Variants in KCNB2 observed in about 807,000 individuals in gnomAD.
KCNB2 encodes potassium voltage-gated channel subfamily B member 2.
Under a neutral mutation model 61.5 loss-of-function variants are expected in KCNB2, and 15 were observed. The ratio of observed to expected loss-of-function variants is 0.24; its 90% confidence interval spans 0.16 to 0.38. The LOEUF (loss-of-function observed/expected upper bound fraction) is 0.38, where lower values mean the gene tolerates loss of function less well. Ranked by LOEUF, KCNB2 falls within the 10% of genes least tolerant of loss-of-function variation. KCNB2 has a pLI of 1.00. For synonymous variants in KCNB2, 457 were observed against 446.0 expected, an observed-to-expected ratio of 1.02 and a Z score of -0.31; for missense variants, 828 against 1,125.2, an observed-to-expected ratio of 0.74 and a Z score of 3.78.
chr8:72,589,220 A>G (rs182445821), intron 2 of KCNB2, among the ~76,000 whole-genome samples: 23 of 152,352 alleles, frequency 1.5e-4, no homozygotes, highest in African/African-American at 5.5e-4. Context: ...TCTGCAGATC[A>G]TATAGAATGA....
At chr8:72,652,477 A>T (rs13281404) in intron 2 of KCNB2, among the ~76,000 whole-genome samples, 3,778 of 152,148 alleles carry the variant, frequency 0.025, 59 homozygotes, top group Non-Finnish European at 0.041. Context: ...TGAAAATTAT[A>T]TATCAAATTT....
intron 2 of KCNB2, among the ~76,000 whole-genome samples, chr8:72,771,181 A>G (rs923598747): frequency 6.6e-6 from 1 of 152,202 alleles, no homozygotes; most frequent in African/African-American, 2.4e-5. Context: ...CATTAACCAA[A>G]AAGTTGTGAT....
intron 2 of KCNB2, among the ~76,000 whole-genome samples, chr8:72,706,232 G>A (rs903753716): frequency 6.6e-6 from 1 of 152,184 alleles, no homozygotes; most frequent in African/African-American, 2.4e-5. Flanking sequence ...ACTAAACTCA[G>A]CCAAAGTCCA....
At chr8:72,604,812 GAGTAGA>G (rs1468618278) in intron 2 of KCNB2, among the ~76,000 whole-genome samples, 1 of 152,198 alleles carries the variant, frequency 6.6e-6, no homozygotes, top group Non-Finnish European at 1.5e-5. Flanking sequence ...TTAGAATGCT[GAGTAGA>G]AGCACATGAT....
At chr8:72,644,176 C>T (rs1806095301) in intron 2 of KCNB2, among the ~76,000 whole-genome samples, 1 of 152,056 alleles carries the variant, frequency 6.6e-6, no homozygotes, top group South Asian at 2.1e-4. Flanking sequence ...CAATAATTCA[C>T]ACCAAAAACT....
intron 2 of KCNB2, among the ~76,000 whole-genome samples, chr8:72,691,842 A>G (rs1051597876): frequency 6.6e-6 from 1 of 152,176 alleles, no homozygotes; most frequent in Non-Finnish European, 1.5e-5. Flanking sequence ...TGCAACTTGA[A>G]GTTCGTTGTT....
At chr8:72,763,325 C>CT (rs5892367) in intron 2 of KCNB2, among the ~76,000 whole-genome samples, 103,863 of 149,780 alleles carry the variant, frequency 0.69, 36,867 homozygotes, top group African/African-American at 0.86. Context: ...CCTGAGTCTC[C>CT]TTTTTTTTTA....
chr8:72,736,647 A>C (rs377594292), intron 2 of KCNB2, among the ~76,000 whole-genome samples: 2 of 152,110 alleles, frequency 1.3e-5, no homozygotes, highest in East Asian at 3.9e-4. Flanking sequence ...CTCTTTCAGC[A>C]CCCCCGCTTC....
At chr8:72,790,789 A>G (rs760871490) in intron 2 of KCNB2, among the ~76,000 whole-genome samples, 12 of 152,220 alleles carry the variant, frequency 7.9e-5, no homozygotes, top group Non-Finnish European at 1.2e-4. Context: ...TGTAATTTGT[A>G]TAGAAGATTT....
intron 2 of KCNB2, among the ~76,000 whole-genome samples, chr8:72,673,053 C>G (rs1372467372): frequency 6.6e-6 from 1 of 152,108 alleles, no homozygotes; most frequent in Non-Finnish European, 1.5e-5. Context: ...GGTATATACC[C>G]AAAAGAATTG....
intron 2 of KCNB2, among the ~76,000 whole-genome samples, chr8:72,907,301 G>A (rs1348734217): frequency 6.6e-6 from 1 of 152,116 alleles, no homozygotes; most frequent in Non-Finnish European, 1.5e-5. Context: ...ATGTTGCAGT[G>A]AGCCAAGATC....
At chr8:72,777,974 T>C (rs1808683931) in intron 2 of KCNB2, among the ~76,000 whole-genome samples, 1 of 152,246 alleles carries the variant, frequency 6.6e-6, no homozygotes, top group African/African-American at 2.4e-5. Flanking sequence ...GACAGCCTGT[T>C]TAGCTTTCTT....
intron 2 of KCNB2, among the ~76,000 whole-genome samples, chr8:72,745,756 A>C (rs902032517): frequency 3.9e-5 from 6 of 152,124 alleles, no homozygotes; most frequent in Non-Finnish European, 7.4e-5. Context: ...CCCTCCCCAG[A>C]GATGGAGTTG....
chr8:72,720,977 A>G (rs1285625686), intron 2 of KCNB2, among the ~76,000 whole-genome samples: 2 of 152,074 alleles, frequency 1.3e-5, no homozygotes, highest in Non-Finnish European at 2.9e-5. Flanking sequence ...TGTAGATACA[A>G]TAAAACTAGC....
At chr8:72,756,725 G>A (rs577872575) in intron 2 of KCNB2, among the ~76,000 whole-genome samples, 4 of 152,262 alleles carry the variant, frequency 2.6e-5, no homozygotes, top group African/African-American at 9.6e-5. Flanking sequence ...CCTGCAGTAG[G>A]TCAGGTAAGA....
intron 2 of KCNB2, among the ~76,000 whole-genome samples, chr8:72,664,652 T>C (rs1028929281): frequency 1.3e-5 from 2 of 152,236 alleles, no homozygotes; most frequent in Non-Finnish European, 2.9e-5. Context: ...CAAATCTTTA[T>C]TAAGTACTTG....
At chr8:72,565,569 G>T (rs1221314135) in intron 1 of KCNB2, among the ~76,000 whole-genome samples, 1 of 151,904 alleles carries the variant, frequency 6.6e-6, no homozygotes, top group African/African-American at 2.4e-5. Flanking sequence ...CAGAATAACA[G>T]ATCAATAAGA....
At chr8:72,865,340 A>G (rs1805497278) in intron 2 of KCNB2, among the ~76,000 whole-genome samples, 1 of 151,908 alleles carries the variant, frequency 6.6e-6, no homozygotes, top group South Asian at 2.1e-4. Flanking sequence ...ACTCTGCCCC[A>G]AAGCATCTAG....
At chr8:72,738,390 A>G (rs1807887117) in intron 2 of KCNB2, among the ~76,000 whole-genome samples, 1 of 152,182 alleles carries the variant, frequency 6.6e-6, no homozygotes, top group African/African-American at 2.4e-5. Context: ...CCAAATCATA[A>G]CCTGAGTGCT....
Sources: allele counts gnomAD v4.1 joint callset (sites outside exome capture counted in the v4.1 genomes callset), GRCh38; gene constraint gnomAD v4.1.1; transcripts MANE v1.5; gene names NCBI Gene and HGNC (gene_info 2026-07-23, HGNC 2026-07-21).